RPTOR: variants seen among roughly 807,000 people sequenced by gnomAD.
RPTOR encodes regulatory associated protein of MTOR complex 1.
RPTOR carries 21 observed loss-of-function variants against 169.9 expected under a neutral mutation model. That is an observed-to-expected ratio of 0.12 (90% CI 0.09 to 0.18). The LOEUF (loss-of-function observed/expected upper bound fraction) is 0.18. Ranked by LOEUF, RPTOR falls within the 10% of genes least tolerant of loss-of-function variation. The pLI is 1.00. For missense variants in RPTOR, 1,133 were observed against 1,855.9 expected (o/e 0.61, Z 7.16); for synonymous variants, 732 against 753.2 (o/e 0.97, Z 0.46).
At chr17:80,617,077 GC>G (rs991899023) in intron 1 of RPTOR, among the ~76,000 whole-genome samples, 3 of 151,928 alleles carry the variant, frequency 2.0e-5, no homozygotes, top group Admixed American at 6.6e-5. Context: ...CCCCACTTCT[GC>G]CCCCCCATGC....
At chr17:80,900,623 T>C (rs897123805) in intron 20 of RPTOR, among the ~76,000 whole-genome samples, 6 of 152,244 alleles carry the variant, frequency 3.9e-5, no homozygotes, top group Non-Finnish European at 5.9e-5. Context: ...ACTGGCCTTC[T>C]TCTTTCACAG....
At position 80,966,117 on chromosome 17, in the gene RPTOR, A is replaced by ACCCCCCCCCCCCCC. The variant is rs55752459; in HGVS notation, c.*1796_*1797insCCCCCCCCCCCCCC. On this transcript the variant is annotated 3_prime_UTR_variant, in exon 34 of 34. Transcript: ENST00000306801. ...GGCAGGTGGCTCCAGAGGGGTCAAG[A>ACCCCCCCCCCCCCC]CCCCCCCCCGCCCCCGCTCCACCCT... The ACCCCCCCCCCCCCC allele has an allele frequency of 5.7e-6, 1 of 175,608 alleles. No homozygotes were observed. The highest frequency in any genetic ancestry group is 1.1e-5 in the Non-Finnish European group (1 of 93,008). 10.9% of individuals were successfully genotyped at this position (175,608 alleles called of 1,614,324 possible). A position where few individuals can be genotyped will look rare whatever the true frequency, so the allele number is the denominator to read the frequency against.
At chr17:80,607,513 A>G (rs1287636506) in intron 1 of RPTOR, among the ~76,000 whole-genome samples, 2 of 152,010 alleles carry the variant, frequency 1.3e-5, no homozygotes, top group Non-Finnish European at 2.9e-5. Context: ...ATCAGGATTT[A>G]TACTCAGCTA....
At chr17:80,884,959 C>A (rs951693180) in intron 16 of RPTOR, 49 bp from the exon 17 acceptor site, 1 of 1,575,452 alleles carries the variant, frequency 6.3e-7, no homozygotes, top group Non-Finnish European at 8.6e-7. Flanking sequence ...AGGCAGGCTG[C>A]AGCATGGCCC....
rs559591333 is a variant in RPTOR, at chr17:80,754,713, A to G, written c.830+528A>G. On this transcript the variant is annotated intron_variant, in intron 6 of 33. Transcript: ENST00000306801. This position sits in a 1 kb window ranked among gnomAD's most constrained non-coding sequence, Gnocchi z 4.2. ...TGGTAGAAGCCGCATTTCAGCCCCAACATCCCCAGCAGAACGCACAGTGGG... is the reference window on the plus strand; with the variant it reads ...TGGTAGAAGCCGCATTTCAGCCCCAGCATCCCCAGCAGAACGCACAGTGGG... Among the ~76,000 whole-genome samples the G allele has an allele frequency of 1.3e-5, 2 of 152,266 alleles. No homozygotes were observed. The highest frequency in any genetic ancestry group is 2.9e-5 in the Non-Finnish European group (2 of 68,002).
chr17:80,670,462 C>T (rs181402104), intron 3 of RPTOR, among the ~76,000 whole-genome samples: 1 of 152,144 alleles, frequency 6.6e-6, no homozygotes, highest in Non-Finnish European at 1.5e-5. Context: ...TGTCAGCACT[C>T]GATTTTGACA....
intron 7 of RPTOR, among the ~76,000 whole-genome samples, chr17:80,809,955 T>G (rs1317997678): frequency 1.2e-4 from 18 of 152,112 alleles, no homozygotes; most frequent in Admixed American, 9.8e-4. Context: ...GAGAATCGCT[T>G]GAACCCGGGA....
chr17:80,900,008 G>C (rs1248090637), intron 20 of RPTOR, among the ~76,000 whole-genome samples: 1 of 152,144 alleles, frequency 6.6e-6, no homozygotes, highest in African/African-American at 2.4e-5. Context: ...GGGCACAAAA[G>C]TACAGAACAG....
intron 4 of RPTOR, among the ~76,000 whole-genome samples, chr17:80,722,525 T>C (rs2066295590): frequency 6.6e-6 from 1 of 150,494 alleles, no homozygotes; most frequent in African/African-American, 2.5e-5. Flanking sequence ...GAGTGTGTGT[T>C]TGAGGGGAGA....
At chr17:80,830,290 C>T (rs2067488647) in intron 9 of RPTOR, among the ~76,000 whole-genome samples, 1 of 152,288 alleles carries the variant, frequency 6.6e-6, no homozygotes, top group African/African-American at 2.4e-5. Context: ...TGACCAGTTC[C>T]GACCCCGCCC....
In RPTOR at chr17:80,966,014, C is replaced by T. The variant is rs2144115119; in HGVS notation, c.*1684C>T. 1 of 233,404 alleles carries T rather than the reference C, an allele frequency of 4.3e-6. No individual in the cohort carries two copies. Among genetic ancestry groups the T allele is most frequent in the Middle Eastern group, 1.3e-3 (1 of 786 alleles). The allele number at this position is 233,404 out of a possible 1,614,324, so 14.5% of individuals were successfully genotyped here. On this transcript the variant is annotated 3_prime_UTR_variant, in exon 34 of 34. Transcript: ENST00000306801. Reference sequence around the variant, plus strand: ...CCAGCTCCACCCGCACACGCAGCTTCCCATCCAGTCCTTCAACTCAATTCT... The same window carrying T: ...CCAGCTCCACCCGCACACGCAGCTTTCCATCCAGTCCTTCAACTCAATTCT...
intron 4 of RPTOR, among the ~76,000 whole-genome samples, chr17:80,728,183 C>T (rs1005677803): frequency 8.5e-5 from 13 of 152,124 alleles, no homozygotes; most frequent in Non-Finnish European, 1.2e-4. Flanking sequence ...TGTTTGTTTT[C>T]GTTTTGTCCC....
chr17:80,743,230 TCATTAGAGAAGTAAGCAGAAACA>T, intron 5 of RPTOR: 1 of 985,322 alleles, frequency 1.0e-6, no homozygotes, highest in Non-Finnish European at 1.2e-6. Flanking sequence ...ATGACTCAGT[TCATTAGAGAAGTAAGCAGAAACA>T]CAGCAGCTGA....
In RPTOR at chr17:80,937,856, G is replaced by A. The variant is rs528367526; in HGVS notation, c.2920-2640G>A. Among the ~76,000 whole-genome samples, 11 of 152,278 alleles carry A rather than the reference G, an allele frequency of 7.2e-5. No individual in the cohort carries two copies. In the South Asian group the frequency reaches 1.0e-3, roughly 14 times the overall value. On this transcript the variant is annotated intron_variant, in intron 24 of 33. Transcript: ENST00000306801. ...CCTTCCCCTGGCCTCTCCATCCACC[G>A]CTCTCCCTCCTGCCTCACGCCGCAC...
Position 80,651,099 on chromosome 17 carries a change from C to T in RPTOR, c.348+7289C>T, listed in dbSNP as rs1267101266. Among the ~76,000 whole-genome samples the T allele has an allele frequency of 6.6e-6, 1 of 152,138 alleles. No individual in the cohort carries two copies. The highest frequency in any genetic ancestry group is 1.9e-4 in the East Asian group (1 of 5,198). On this transcript the variant is annotated intron_variant, in intron 3 of 33. Transcript: ENST00000306801. This position sits in a 1 kb window ranked among gnomAD's most constrained non-coding sequence, Gnocchi z 4.1. ...TTGTCGTTTCACAGATCTCACGTGC[C>T]ATGTGTGTTTCCTGAGTTAACTTGG...
chr17:80,643,617 A>G, intron 2 of RPTOR, 111 bp from the exon 3 acceptor site: 3 of 712,478 alleles, frequency 4.2e-6, no homozygotes, highest in Non-Finnish European at 7.1e-6. Context: ...TGTTACTTTT[A>G]GTCAAAGGTG....
Position 80,646,050 on chromosome 17 carries a change from C to T in RPTOR, c.348+2240C>T, listed in dbSNP as rs935639630. On this transcript the variant is annotated intron_variant, in intron 3 of 33. Transcript: ENST00000306801. The surrounding 1 kb of genome is among the most constrained non-coding windows in gnomAD (Gnocchi z 5.0). ...GCTTCGGAAAAGGTACCAGCGCAGG[C>T]GGGATCCCATCTGGGCTGGTTTATA... is the stretch of plus-strand genomic sequence containing the variant. Among the ~76,000 whole-genome samples, 4 of 152,124 alleles carry T rather than the reference C, an allele frequency of 2.6e-5. No individual in the cohort carries two copies. Among genetic ancestry groups the T allele is most frequent in the African/African-American group, 7.2e-5 (3 of 41,402 alleles).
In RPTOR at chr17:80,760,300, C is replaced by CTTTTT. The variant is rs1479994551; in HGVS notation, c.830+6117_830+6121dup. On this transcript the variant is annotated intron_variant, in intron 6 of 33. Coordinates refer to ENST00000306801, the MANE Select transcript of RPTOR (RefSeq NM_020761.3). ...GTGTTCCAGTCGAGCTTTCTTTTTT[C>CTTTTT]TTTTTTCTTTTTTTTTTTTTTGAGA... Among the ~76,000 whole-genome samples, 31 of 96,482 alleles carry CTTTTT rather than the reference C, an allele frequency of 3.2e-4. 1 individual carries two copies. The highest frequency in any genetic ancestry group is 7.0e-4 in the African/African-American group (18 of 25,846). The allele number at this position is 96,482 out of a possible 152,430, so 63.3% of individuals were successfully genotyped here. A position where few individuals can be genotyped will look rare whatever the true frequency, so the allele number is the denominator to read the frequency against.
intron 6 of RPTOR, among the ~76,000 whole-genome samples, chr17:80,764,731 C>G (rs1043215587): frequency 1.3e-5 from 2 of 151,984 alleles, no homozygotes; most frequent in Non-Finnish European, 2.9e-5. Context: ...CCTGAGGAAT[C>G]GCCACACTGA....
Sources: allele counts gnomAD v4.1 joint callset (sites outside exome capture counted in the v4.1 genomes callset), GRCh38; gene constraint gnomAD v4.1.1; non-coding constraint Gnocchi (gnomAD v3.1); transcripts MANE v1.5; gene names NCBI Gene and HGNC (gene_info 2026-07-23, HGNC 2026-07-21).